CATSPERD: variants seen among roughly 807,000 people sequenced by gnomAD.
CATSPERD encodes catsper channel auxiliary subunit delta.
A neutral mutation model predicts 98.1 loss-of-function variants in CATSPERD; 86 were observed. The observed-to-expected ratio is 0.88, with a 90% CI of 0.74 to 1.05. The LOEUF is 1.05. Ranked by LOEUF, CATSPERD falls within the 50% of genes least tolerant of loss-of-function variation. The probability of loss-of-function intolerance (pLI) is 0.00; values close to 1 mark genes in which losing one functional copy is unlikely to be tolerated. For missense variants in CATSPERD, 995 were observed against 1,005.7 expected, an observed-to-expected ratio of 0.99 and a Z score of 0.14; for synonymous variants, 394 against 390.2, an observed-to-expected ratio of 1.01 and a Z score of -0.12.
intron 12 of CATSPERD, 73 bp from the exon 13 acceptor site, chr19:5,754,059 C>G (rs1268699863): frequency 9.8e-7 from 1 of 1,020,924 alleles, no homozygotes; most frequent in Non-Finnish European, 1.5e-6. Context: ...GTCCCTTCCT[C>G]CTTCCCACCT....
intron 12 of CATSPERD, among the ~76,000 whole-genome samples, chr19:5,752,637 T>C (rs185128346): frequency 6.6e-6 from 1 of 152,094 alleles, no homozygotes; most frequent in East Asian, 1.9e-4. Flanking sequence ...TTGCCAGAAA[T>C]ACAAAAGACA....
chr19:5,739,547 CT>C (rs2055915728), intron 7 of CATSPERD, 108 bp downstream of exon 7: 5 of 645,708 alleles, frequency 7.7e-6, no homozygotes, highest in Admixed American at 6.0e-5. Flanking sequence ...AAGAGTCCAA[CT>C]GGGACAGGAG....
chr19:5,775,615 C>T (rs1186747089), intron 20 of CATSPERD, among the ~76,000 whole-genome samples: 2 of 143,372 alleles, frequency 1.4e-5, no homozygotes, highest in Admixed American at 1.4e-4. Flanking sequence ...CGCCACTGCA[C>T]TCCAGCCTGG....
chr19:5,754,217 C>T lies in CATSPERD; in HGVS notation c.1250C>T (p.Pro417Leu), dbSNP rs1252572824. 5 of 1,613,412 alleles carry T rather than the reference C, an allele frequency of 3.1e-6. No individual in the cohort carries two copies. The East Asian group carries it at 8.9e-5, about 29-fold the overall frequency. The change falls in exon 13 of 22, where the codon CCC (proline) becomes CTC (leucine). Residue 417 changes from proline (P) to leucine (L), a missense_variant. This residue lies in a region of CATSPERD where 762 missense variants were observed against 773.7 expected (regional missense o/e 0.98). Transcript: ENST00000381624. ...CTGGAATTGACTGCTTCGTTGATAC[C>T]CCAGCCAGGCACATCCCTGATTCCT... The part of the protein sequence containing the change: ...SQLELTASLI[P>L]QPGTSLIPLV...
chr19:5,728,276 T>G (rs1185296317), intron 3 of CATSPERD, among the ~76,000 whole-genome samples: 1 of 147,550 alleles, frequency 6.8e-6, no homozygotes, highest in African/African-American at 2.5e-5. Flanking sequence ...GAGAATCACT[T>G]GAACCCAGGA....
chr19:5,725,270 C>G (rs915893004), intron 2 of CATSPERD, among the ~76,000 whole-genome samples: 47 of 152,092 alleles, frequency 3.1e-4, no homozygotes, highest in African/African-American at 1.1e-3. Context: ...TCATGCCTCA[C>G]CCTCCCTAGT....
chr19:5,740,770 A>T (rs954731098), intron 7 of CATSPERD, among the ~76,000 whole-genome samples: 4 of 149,608 alleles, frequency 2.7e-5, no homozygotes, highest in Admixed American at 6.7e-5. Context: ...CTCAAAAAAA[A>T]AAAAAAAAAA....
At chr19:5,757,489 G>A (rs1365014880) in intron 13 of CATSPERD, among the ~76,000 whole-genome samples, 1 of 151,260 alleles carries the variant, frequency 6.6e-6, no homozygotes, top group East Asian at 2.0e-4. Flanking sequence ...TAGAGATGGG[G>A]TTTCTCCATG....
chr19:5,720,692 C>T lies in CATSPERD; in HGVS notation c.-46C>T. On this transcript the variant is annotated 5_prime_UTR_variant, in exon 1 of 22. Coordinates refer to ENST00000381624, the MANE Select transcript of CATSPERD (RefSeq NM_152784.4). ...CACGTACTCGGATTGTGCAGCGACT[C>T]CCCGTGGCGGTTGAGGGGCAGTGGT... 1 of 1,577,330 alleles carries T rather than the reference C, an allele frequency of 6.3e-7. No homozygotes were observed. The highest frequency in any genetic ancestry group is 1.1e-5 in the South Asian group (1 of 89,536).
In CATSPERD at chr19:5,757,938, C is replaced by T. The variant is rs751057925; in HGVS notation, c.1368+6C>T. On this transcript the variant is annotated splice_donor_region_variant and intron_variant, in intron 14 of 21. Transcript: ENST00000381624. ...GGAACACCAAGTACAAACTGGTGAG[C>T]CGCGTCCCCACCAAACCCTGTCGCC... The T allele has an allele frequency of 6.2e-7, 1 of 1,609,176 alleles. No homozygotes were observed. Among genetic ancestry groups the T allele is most frequent in the South Asian group, 1.1e-5 (1 of 90,532 alleles).
chr19:5,765,411 TTCATTCATTCATTCATTCATTCATTC>T (rs1568369474), intron 16 of CATSPERD, among the ~76,000 whole-genome samples: 1 of 36,382 alleles, frequency 2.7e-5, no homozygotes, highest in African/African-American at 4.0e-5. Flanking sequence ...GATTTATTCA[TTCATTCATTCATTCATTCATTCATTC>T]ATTCATTCAT....
chr19:5,753,027 C>CA (rs139627967), intron 12 of CATSPERD, among the ~76,000 whole-genome samples: 2,550 of 98,870 alleles, frequency 0.026, 30 homozygotes, highest in Non-Finnish European at 0.03. Context: ...GACTCCATGT[C>CA]AAAAAAAAAA....
In CATSPERD at chr19:5,761,747, A is replaced by C. The variant is rs1305168222; in HGVS notation, c.1428-1468A>C. 9.9e-5 allele frequency among the ~76,000 whole-genome samples: 15 copies of C among 150,994 alleles called. No homozygotes were observed. The East Asian group carries it at 2.9e-3, about 30-fold the overall frequency. On this transcript the variant is annotated intron_variant, in intron 15 of 21. Transcript: ENST00000381624. ...GATGGAGCTTCGCTCTTGTTGCCCA[A>C]GCTGGAGTGCAATGGCACGATCTCG...
At chr19:5,744,304 A>G (rs575657154) in intron 7 of CATSPERD, 123 bp from the exon 8 acceptor site, 38 of 793,316 alleles carry the variant, frequency 4.8e-5, no homozygotes, top group East Asian at 2.4e-4. Flanking sequence ...CACAGAGGGC[A>G]TTATTTGTTT....
chr19:5,726,286 T>C (rs1317219395), intron 2 of CATSPERD, among the ~76,000 whole-genome samples: 3 of 152,030 alleles, frequency 2.0e-5, no homozygotes, highest in Non-Finnish European at 4.4e-5. Flanking sequence ...GGTCTCAAAC[T>C]CCCTCCTGAC....
chr19:5,771,138 G>T, intron 19 of CATSPERD, 66 bp downstream of exon 19: 1 of 1,541,156 alleles, frequency 6.5e-7, no homozygotes, highest in Non-Finnish European at 8.8e-7. Context: ...CTGGCCCTGG[G>T]GTACCAGCCT....
intron 11 of CATSPERD, 47 bp downstream of exon 11, chr19:5,749,230 G>A (rs370773559): frequency 6.0e-5 from 84 of 1,408,650 alleles, no homozygotes; most frequent in Non-Finnish European, 8.0e-5. Context: ...GGTGGTTCAC[G>A]CCTGTCATCC....
chr19:5,766,153 G>A lies in CATSPERD; in HGVS notation c.1557G>A (p.Gln519=). 6.2e-7 allele frequency: 1 copy of A among 1,612,774 alleles called. No homozygotes were observed. Among genetic ancestry groups the A allele is most frequent in the African/African-American group, 1.3e-5 (1 of 74,930 alleles). ...ACCTGGATAAAAAGATCGTCATCCA[G>A]AAGTAAGTATGTTGAGGCCGGGCAC... ...GCDLDKKIVI[Q]NKVSACSMGI... Residue 519 remains glutamine, a splice_region_variant and synonymous_variant, in exon 17 of 22, where the codon CAG becomes CAA. Coordinates refer to ENST00000381624, the MANE Select transcript of CATSPERD (RefSeq NM_152784.4).
chr19:5,744,267 A>C (rs930911691), intron 7 of CATSPERD, among the ~76,000 whole-genome samples, 160 bp from the exon 8 acceptor site: 7 of 152,164 alleles, frequency 4.6e-5, no homozygotes, highest in Non-Finnish European at 1.0e-4. Context: ...GGCGTGAACC[A>C]CCGCACCCAA....
Sources: allele counts gnomAD v4.1 joint callset (sites outside exome capture counted in the v4.1 genomes callset), GRCh38; gene constraint gnomAD v4.1.1; regional missense constraint gnomAD v4.1.1; transcripts MANE v1.5; gene names NCBI Gene and HGNC (gene_info 2026-07-23, HGNC 2026-07-21).